BIRC2: variants seen among roughly 807,000 people sequenced by gnomAD.
The protein encoded by BIRC2 is baculoviral IAP repeat containing 2.
A neutral mutation model predicts 60.9 loss-of-function variants in BIRC2; 18 were observed. That is an observed-to-expected ratio of 0.30 (90% CI 0.20 to 0.44). BIRC2 has a LOEUF of 0.44. BIRC2 is among the 20% of genes least tolerant of loss of function. BIRC2 has a pLI of 1.00. For missense variants in BIRC2, 701 were observed against 728.5 expected (o/e 0.96, Z 0.43); for synonymous variants, 282 against 247.7 (o/e 1.14, Z -1.30).
At chr11:102,355,612 C>T (rs748272133) in intron 3 of BIRC2, among the ~76,000 whole-genome samples, 44 of 151,934 alleles carry the variant, frequency 2.9e-4, no homozygotes, top group East Asian at 3.9e-4. Flanking sequence ...CCTTAAGTTC[C>T]GTACAAATTT....
At chr11:102,354,081 G>A (rs573914395) in intron 3 of BIRC2, among the ~76,000 whole-genome samples, 31 of 152,310 alleles carry the variant, frequency 2.0e-4, no homozygotes, top group African/African-American at 7.2e-4. Flanking sequence ...AGAAAAATCT[G>A]GGTGTAAATG....
chr11:102,362,278 G>A (rs926870955), intron 3 of BIRC2, among the ~76,000 whole-genome samples: 4 of 151,952 alleles, frequency 2.6e-5, no homozygotes, highest in Non-Finnish European at 4.4e-5. Context: ...TGAATATTCT[G>A]TTGTATAGTA....
At position 102,377,733 on chromosome 11, in the gene BIRC2, T is replaced by C. The variant is rs779612372; in HGVS notation, c.1604T>C (p.Leu535Ser). 6.2e-7 allele frequency: 1 copy of C among 1,603,530 alleles called. No homozygotes were observed. Among genetic ancestry groups the C allele is most frequent in the Non-Finnish European group, 8.5e-7 (1 of 1,177,748 alleles). ...TGTCTAAAAGAAATTGACTCTACAT[T>C]GTATAAGAACTTATTTGGTGAGTTT... ...KNCLKEIDST[L>S]YKNLFVDKNM... The change falls in exon 7 of 9, where the codon TTG becomes TCG. Residue 535 changes from leucine (L) to serine (S), a missense_variant. Around this residue, in one of 4 missense-constraint regions of BIRC2, gnomAD observed 235 missense variants for 208.9 expected, o/e 1.12. Transcript: ENST00000227758.
chr11:102,377,437 ATG>A, intron 6 of BIRC2, 57 bp from the exon 7 acceptor site: 6 of 1,471,346 alleles, frequency 4.1e-6, no homozygotes, highest in Non-Finnish European at 5.5e-6. Context: ...TAGTGACTAT[ATG>A]AGTATAGTTA....
rs34130638 is a variant in BIRC2 at position 102,365,743 on chromosome 11, AGTGTGTGT to A, written c.1123+2048_1123+2055del. On this transcript the variant is annotated intron_variant, in intron 5 of 8. Coordinates refer to ENST00000227758, the MANE Select transcript of BIRC2 (RefSeq NM_001166.5). ...AGGCATGCACCATCACATTCAGCTA[AGTGTGTGT>A]GTGTGTGTGTGTGTGTGTGTTTGTA... is the stretch of plus-strand genomic sequence containing the variant. Among the ~76,000 whole-genome samples the A allele has an allele frequency of 1.3e-4, 19 of 147,664 alleles. 1 individual carries two copies. In the East Asian group the frequency reaches 3.6e-3, roughly 28 times the overall value.
At chr11:102,351,033 T>C in intron 3 of BIRC2, 90 bp downstream of exon 3, 1 of 1,160,570 alleles carries the variant, frequency 8.6e-7, no homozygotes, top group South Asian at 1.5e-5. Flanking sequence ...CTTTAAATTA[T>C]AACAAAGCCT....
intron 3 of BIRC2, 161 bp from the exon 4 acceptor site, chr11:102,362,735 G>T: frequency 9.4e-6 from 5 of 531,284 alleles, no homozygotes; most frequent in African/African-American, 3.8e-5. Flanking sequence ...ATTGTTTTAT[G>T]ATAATTTTGT....
In BIRC2 at chr11:102,350,563, A is replaced by G. The variant is rs753437872; in HGVS notation, c.709A>G (p.Met237Val). The G allele has an allele frequency of 7.4e-6, 12 of 1,614,236 alleles. No homozygotes were observed. Among genetic ancestry groups the G allele is most frequent in the East Asian group, 2.2e-5 (1 of 44,888 alleles). ...TAACTGGGAACCAAAGGATGATGCT[A>G]TGTCAGAACACCGGAGGCATTTTCC... Reference protein sequence around the residue: ...LSNWEPKDDAMSEHRRHFPNC... With the variant: ...LSNWEPKDDAVSEHRRHFPNC... Residue 237 changes from methionine (M) to valine (V), a missense_variant, in exon 2 of 9, where the codon ATG becomes GTG. By Grantham distance (21) the Met-to-Val change is conservative (BLOSUM62 1). This residue lies in a region of BIRC2 where 375 missense variants were observed against 365.9 expected (regional missense o/e 1.02). Transcript: ENST00000227758.
intron 6 of BIRC2, among the ~76,000 whole-genome samples, chr11:102,373,727 T>C (rs2135823415): frequency 6.6e-6 from 1 of 151,218 alleles, no homozygotes; most frequent in African/African-American, 2.4e-5. Context: ...CTTGCTAGAT[T>C]GGGGAAGTTC....
chr11:102,355,566 TTTG>T (rs973038786), intron 3 of BIRC2, among the ~76,000 whole-genome samples: 1 of 152,142 alleles, frequency 6.6e-6, no homozygotes, highest in Non-Finnish European at 1.5e-5. Context: ...GTTTTTTTTG[TTTG>T]TTTTTTCTCA....
At chr11:102,353,679 CTTTTT>C (rs60766578) in intron 3 of BIRC2, among the ~76,000 whole-genome samples, 2 of 86,090 alleles carry the variant, frequency 2.3e-5, no homozygotes, top group Non-Finnish European at 4.4e-5. Context: ...TAGTAACTTT[CTTTTT>C]TTTTTTTTTT....
At chr11:102,369,628 T>C (rs1203090841) in intron 6 of BIRC2, among the ~76,000 whole-genome samples, 2 of 145,436 alleles carry the variant, frequency 1.4e-5, no homozygotes, top group South Asian at 2.2e-4. Context: ...TAAACATACG[T>C]GTGCATGTGT....
chr11:102,355,215 C>T (rs1951407741), intron 3 of BIRC2, among the ~76,000 whole-genome samples: 1 of 151,966 alleles, frequency 6.6e-6, no homozygotes, highest in Non-Finnish European at 1.5e-5. Context: ...CCTACGTTTT[C>T]TTTAAGGAAT....
chr11:102,356,320 C>T (rs1310085804), intron 3 of BIRC2, among the ~76,000 whole-genome samples: 6 of 151,880 alleles, frequency 4.0e-5, no homozygotes, highest in Admixed American at 2.0e-4. Context: ...CCCAGCCTCC[C>T]GAGTAGCTGG....
Position 102,348,639 on chromosome 11 carries a change from C to T in BIRC2, c.-1216C>T. The T allele has an allele frequency of 3.3e-6, 1 of 301,244 alleles. No homozygotes were observed. The highest frequency in any genetic ancestry group is 6.5e-6 in the Non-Finnish European group (1 of 154,154). 18.7% of individuals were successfully genotyped at this position (301,244 alleles called of 1,614,324 possible). On this transcript the variant is annotated 5_prime_UTR_variant, in exon 2 of 9. Transcript: ENST00000227758. ...AATCTCCCTATCCCTATTTTGTCCC[C>T]CTGCAGTAATAAATCCCATTATGGA...
chr11:102,375,563 A>C (rs912443432), intron 6 of BIRC2, among the ~76,000 whole-genome samples: 2 of 152,078 alleles, frequency 1.3e-5, no homozygotes, highest in Admixed American at 1.3e-4. Context: ...GGCGGATCAC[A>C]AGGTCAGGAA....
chr11:102,352,750 T>A (rs1951378783), intron 3 of BIRC2, among the ~76,000 whole-genome samples: 1 of 152,150 alleles, frequency 6.6e-6, no homozygotes, highest in Non-Finnish European at 1.5e-5. Context: ...TATTTCTGTC[T>A]CTATGAATTT....
rs1019665240 is a variant in BIRC2, at chr11:102,363,112, A to G, written c.1074+138A>G. ...ACCGTGATCACTTTTGTACCAACCTATATTAGAAGTTATGCTTATTTCTCT... is the reference window on the plus strand; with the variant it reads ...ACCGTGATCACTTTTGTACCAACCTGTATTAGAAGTTATGCTTATTTCTCT... On this transcript the variant is annotated intron_variant, in intron 4 of 8. Transcript: ENST00000227758. 50 of 557,610 alleles carry G rather than the reference A, an allele frequency of 9.0e-5. 1 individual carries two copies. The highest frequency in any genetic ancestry group is 3.1e-4 in the Admixed American group (10 of 32,178). The allele number at this position is 557,610 out of a possible 1,614,324, so 34.5% of individuals were successfully genotyped here.
intron 3 of BIRC2, among the ~76,000 whole-genome samples, chr11:102,354,545 A>G (rs556897747): frequency 6.6e-6 from 1 of 152,292 alleles, no homozygotes; most frequent in East Asian, 1.9e-4. Context: ...TTGTTTCCAT[A>G]TAGCTGCTTG....
Sources: gnomAD v4.1 joint callset for allele counts (sites outside exome capture counted in the v4.1 genomes callset) on GRCh38, gnomAD v4.1.1 for gene constraint, gnomAD v4.1.1 regional missense constraint, MANE v1.5 for transcripts, NCBI Gene and HGNC (gene_info 2026-07-23, HGNC 2026-07-21) for gene names.